The following PLEKHA1 variants were observed in gnomAD, a reference collection of about 807,000 sequenced individuals.
PLEKHA1 encodes the protein pleckstrin homology domain-containing family A member 1.
A neutral mutation model predicts 52.0 loss-of-function variants in PLEKHA1; 34 were observed. That is an observed-to-expected ratio of 0.65 (90% CI 0.50 to 0.87). The LOEUF (loss-of-function observed/expected upper bound fraction) is 0.87. PLEKHA1 is among the 40% of genes least tolerant of loss of function. PLEKHA1 has a pLI of 0.00. For synonymous variants in PLEKHA1, 163 were observed against 170.7 expected (o/e 0.95, Z 0.35); for missense variants, 497 against 504.2 (o/e 0.99, Z 0.14).
At chr10:122,409,901 C>T (rs2097083771) in intron 5 of PLEKHA1, among the ~76,000 whole-genome samples, 1 of 151,970 alleles carries the variant, frequency 6.6e-6, no homozygotes, top group African/African-American at 2.4e-5. Context: ...GAGCCCTCAG[C>T]CTCCTAAGTA....
chr10:122,413,022 G>C lies in PLEKHA1; in HGVS notation c.445G>C (p.Val149Leu). 6.2e-7 allele frequency: 1 copy of C among 1,612,638 alleles called. No individual in the cohort carries two copies. Among genetic ancestry groups the C allele is most frequent in the South Asian group, 1.1e-5 (1 of 90,914 alleles). Reference sequence around the variant, plus strand: ...TTACAGAACTGATATTGTTGGTGGCGTACCCATCATTACTCCCACTCAGGT... The same window carrying C: ...TTACAGAACTGATATTGTTGGTGGCCTACCCATCATTACTCCCACTCAGGT... ...VSYRTDIVGG[V>L]PIITPTQKEE... Residue 149 changes from valine (V) to leucine (L), a missense_variant, in exon 6 of 12, where the codon GTA becomes CTA. By Grantham distance (32) the Val-to-Leu change is conservative (BLOSUM62 1). Transcript: ENST00000368990.
rs2097399061 is a variant in PLEKHA1 at position 122,429,700 on chromosome 10, C to T, written c.977C>T (p.Thr326Ile). 6.2e-7 allele frequency: 1 copy of T among 1,614,034 alleles called. No individual in the cohort carries two copies. The highest frequency in any genetic ancestry group is 1.3e-5 in the African/African-American group (1 of 74,898). The change falls in exon 12 of 12, where the codon ACA (threonine) becomes ATA (isoleucine). Residue 326 changes from threonine (T) to isoleucine (I), a missense_variant. Physicochemically the swap from Thr to Ile is moderately conservative, Grantham distance 89. Coordinates refer to ENST00000368990, the MANE Select transcript of PLEKHA1 (RefSeq NM_001001974.4). ...TNAATATSHS[T>I]ASRSNSLVST... ...GCAGCCACCGCCACCTCACATTCCA[C>T]AGCCTCTCGCAGCAACTCTTTGGTC...
Position 122,424,930 on chromosome 10 carries a change from G to GT in PLEKHA1, c.782dup (p.Thr262AsnfsTer11). 1 of 1,609,938 alleles carries GT rather than the reference G, an allele frequency of 6.2e-7. No individual in the cohort carries two copies. The highest frequency in any genetic ancestry group is 8.5e-7 in the Non-Finnish European group (1 of 1,178,048). ...GATGAGGGACAACCTCTTTGAAATT[G>GT]TAACAACGTCTCGAACTTTCTATGT... On this transcript the variant is annotated frameshift_variant, in exon 10 of 12. Coordinates refer to ENST00000368990, the MANE Select transcript of PLEKHA1 (RefSeq NM_001001974.4). LOFTEE classifies it high-confidence loss of function.
chr10:122,396,329 T>C (rs10399971), intron 2 of PLEKHA1, among the ~76,000 whole-genome samples: 14,145 of 152,162 alleles, frequency 0.093, 778 homozygotes, highest in Middle Eastern at 0.17. Context: ...TACATTTCTT[T>C]TCCTTCTTTA....
intron 1 of PLEKHA1, among the ~76,000 whole-genome samples, chr10:122,390,932 G>A (rs1262629432): frequency 6.6e-6 from 1 of 152,060 alleles, no homozygotes; most frequent in African/African-American, 2.4e-5. Flanking sequence ...GAGGGTTCCA[G>A]TTTCTCCATG....
chr10:122,424,371 T>A, intron 9 of PLEKHA1, 108 bp downstream of exon 9: 2 of 1,242,738 alleles, frequency 1.6e-6, no homozygotes, highest in Non-Finnish European at 2.2e-6. Context: ...TAATTGTAGT[T>A]ATTTTTAACT....
chr10:122,374,913 T>C (rs2096498332), intron 1 of PLEKHA1, 107 bp downstream of exon 1: 2 of 154,302 alleles, frequency 1.3e-5, no homozygotes, highest in African/African-American at 4.8e-5. Flanking sequence ...GGAGCGCGGT[T>C]CCCGCTGTGG....
At chr10:122,435,708 G>A (rs1315958639), downstream of PLEKHA1, 3 of 152,056 alleles carry the variant, frequency 2.0e-5, no homozygotes, top group African/African-American at 4.8e-5. Flanking sequence ...GAACTTACCT[G>A]GGTTTAGAAA....
In PLEKHA1 at chr10:122,412,994, G is replaced by A; in HGVS notation, c.417G>A (p.Val139=). ...SRHGECGKKQ[V]SYRTDIVGGV... is the part of the protein sequence containing the mutation. Reference sequence around the variant, plus strand: ...ATGGTGAATGTGGGAAAAAGCAAGTGTCTTACAGAACTGATATTGTTGGTG... The same window carrying A: ...ATGGTGAATGTGGGAAAAAGCAAGTATCTTACAGAACTGATATTGTTGGTG... The change falls in exon 6 of 12, where the codon GTG becomes GTA. Residue 139 remains valine, a synonymous_variant. Coordinates refer to ENST00000368990, the MANE Select transcript of PLEKHA1 (RefSeq NM_001001974.4). The A allele has an allele frequency of 6.2e-7, 1 of 1,613,442 alleles. No homozygotes were observed. Among genetic ancestry groups the A allele is most frequent in the Non-Finnish European group, 8.5e-7 (1 of 1,179,574 alleles).
At chr10:122,435,651 A>G (rs916472966), downstream of PLEKHA1, 1 of 152,336 alleles carries the variant, frequency 6.6e-6, no homozygotes, top group African/African-American at 2.4e-5. Flanking sequence ...AAAATGGGGA[A>G]TATTTAGTAT....
intron 1 of PLEKHA1, chr10:122,386,722 A>G (rs1018332838): frequency 2.6e-5 from 4 of 152,170 alleles, no homozygotes; most frequent in Non-Finnish European, 1.5e-5. Flanking sequence ...TTGCCTTGGC[A>G]CCTTGGTTGA....
intron 1 of PLEKHA1, among the ~76,000 whole-genome samples, chr10:122,378,878 C>T: frequency 6.6e-6 from 1 of 151,882 alleles, no homozygotes; most frequent in Non-Finnish European, 1.5e-5. Context: ...CTTACTGAAG[C>T]ACTTGGGGTA....
At chr10:122,382,769 A>G (rs949356292) in intron 1 of PLEKHA1, among the ~76,000 whole-genome samples, 4 of 152,326 alleles carry the variant, frequency 2.6e-5, no homozygotes, top group African/African-American at 9.6e-5. Context: ...CTTGGTTCCT[A>G]ATAACAAATA....
At chr10:122,381,753 C>G (rs559677419) in intron 1 of PLEKHA1, among the ~76,000 whole-genome samples, 1 of 152,282 alleles carries the variant, frequency 6.6e-6, no homozygotes, top group South Asian at 2.1e-4. Context: ...TTTTCCTGAA[C>G]AACTGGAAGA....
intron 2 of PLEKHA1, among the ~76,000 whole-genome samples, chr10:122,394,988 G>A (rs1420754147): frequency 1.3e-5 from 2 of 152,200 alleles, no homozygotes; most frequent in Non-Finnish European, 2.9e-5. Context: ...GGAATTCAGA[G>A]GAAAGTTACA....
intron 11 of PLEKHA1, chr10:122,428,567 T>G: frequency 2.6e-6 from 2 of 765,558 alleles, no homozygotes; most frequent in Non-Finnish European, 3.5e-6. Context: ...AAAGAGACAT[T>G]AACATATAAA....
Position 122,429,991 on chromosome 10 carries a change from G to T in PLEKHA1, c.*53G>T. 6.5e-7 allele frequency: 1 copy of T among 1,537,790 alleles called. No individual in the cohort carries two copies. Among genetic ancestry groups the T allele is most frequent in the Non-Finnish European group, 8.8e-7 (1 of 1,139,770 alleles). ...TCTGCCGTCCTCAGTTTCCTTTCAT[G>T]AGGCTTCTAGCCAAAGATGATAAAG... On this transcript the variant is annotated 3_prime_UTR_variant, in exon 12 of 12. Coordinates refer to ENST00000368990, the MANE Select transcript of PLEKHA1 (RefSeq NM_001001974.4).
chr10:122,439,303 T>A, the PLEKHA1 span: 1 of 152,216 alleles, frequency 6.6e-6, no homozygotes, highest in African/African-American at 2.4e-5. Flanking sequence ...ATATAAATGA[T>A]ACTGGTCTGC....
At chr10:122,432,444 T>C (rs2097422705), downstream of PLEKHA1, 1 of 152,218 alleles carries the variant, frequency 6.6e-6, no homozygotes, top group South Asian at 2.1e-4. Flanking sequence ...AGTTTACATA[T>C]TTAAGGACAG....
Sources: gnomAD v4.1 joint callset for allele counts (sites outside exome capture counted in the v4.1 genomes callset) on GRCh38, gnomAD v4.1.1 for gene constraint, MANE v1.5 for transcripts, NCBI Gene and HGNC (gene_info 2026-07-23, HGNC 2026-07-21) for gene names.